Variants in SLC4A10 observed in about 807,000 individuals in gnomAD.
SLC4A10 encodes sodium-driven chloride bicarbonate exchanger.
In SLC4A10, 42 loss-of-function variants were observed where a neutral mutation model predicts 137.7. That is an observed-to-expected ratio of 0.30 (90% confidence interval 0.24 to 0.39). SLC4A10 has a LOEUF of 0.39. Ranked by LOEUF, SLC4A10 falls within the 10% of genes least tolerant of loss-of-function variation. The pLI, the probability that SLC4A10 is intolerant of heterozygous loss-of-function variation, is 1.00. For synonymous variants in SLC4A10, 474 were observed against 464.1 expected (o/e 1.02, Z -0.27); for missense variants, 925 against 1,355.0 (o/e 0.68, Z 4.98).
rs73020052 is a variant in SLC4A10, at chr2:161,665,874, T to A, written c.48+41308T>A. Among the ~76,000 whole-genome samples, 1,006 of 150,288 alleles carry A rather than the reference T, an allele frequency of 6.7e-3. 11 individuals are homozygous for A. The highest frequency in any genetic ancestry group is 0.023 in the African/African-American group (960 of 41,242). On this transcript the variant is annotated intron_variant, in intron 1 of 26. Transcript: ENST00000446997. ...GTGTTGGTTGTCATGAGCATCCAAA[T>A]GTTTGCTCTTTCTATGTTCAAATTC...
chr2:161,819,963 AT>A (rs1449205148), intron 3 of SLC4A10, among the ~76,000 whole-genome samples: 1 of 152,132 alleles, frequency 6.6e-6, no homozygotes, highest in Non-Finnish European at 1.5e-5. Flanking sequence ...TTCAACGTTT[AT>A]TTTTTTCCTC....
chr2:161,728,062 TGA>T (rs144345574), intron 1 of SLC4A10, among the ~76,000 whole-genome samples: 356 of 152,294 alleles, frequency 2.3e-3, no homozygotes, highest in African/African-American at 7.7e-3. Flanking sequence ...ATATCAGGAA[TGA>T]GAGAGTGAAT....
chr2:161,812,735 A>G (rs1461917006), intron 3 of SLC4A10, among the ~76,000 whole-genome samples: 5 of 152,050 alleles, frequency 3.3e-5, no homozygotes, highest in South Asian at 2.1e-4. Context: ...TCCATGGTGT[A>G]TATGTACCAC....
intron 1 of SLC4A10, among the ~76,000 whole-genome samples, chr2:161,759,332 G>A (rs1389038454): frequency 2.6e-5 from 4 of 151,784 alleles, no homozygotes; most frequent in Non-Finnish European, 5.9e-5. Context: ...TGTTGTGTGT[G>A]GTGCGAACAC....
At chr2:161,906,925 G>A (rs867287592) in intron 15 of SLC4A10, among the ~76,000 whole-genome samples, 6 of 151,856 alleles carry the variant, frequency 4.0e-5, no homozygotes, top group Non-Finnish European at 5.9e-5. Flanking sequence ...GCGTGGTGGC[G>A]GGCGCCTGTA....
chr2:161,789,167 TG>T, intron 2 of SLC4A10, among the ~76,000 whole-genome samples: 1 of 152,308 alleles, frequency 6.6e-6, no homozygotes, highest in South Asian at 2.1e-4. Flanking sequence ...CAGCACGAGC[TG>T]GCCACCTGAG....
At chr2:161,883,443 G>C (rs2061972962) in intron 10 of SLC4A10, among the ~76,000 whole-genome samples, 1 of 152,100 alleles carries the variant, frequency 6.6e-6, no homozygotes, top group Admixed American at 6.6e-5. Flanking sequence ...ATATGAATTA[G>C]TTTTTGATAT....
intron 1 of SLC4A10, among the ~76,000 whole-genome samples, chr2:161,674,570 G>C (rs2040083790): frequency 6.6e-6 from 1 of 152,068 alleles, no homozygotes; most frequent in East Asian, 1.9e-4. Context: ...TAATGAAAGG[G>C]GAGATAGCTG....
chr2:161,871,296 A>G (rs1331593660), intron 6 of SLC4A10, among the ~76,000 whole-genome samples: 1 of 152,000 alleles, frequency 6.6e-6, no homozygotes, highest in East Asian at 1.9e-4. Context: ...GAGTATTTCT[A>G]ACATCTACAA....
rs1559541581 is a variant in SLC4A10 at position 161,922,906 on chromosome 2, C to T, written c.1997+17019C>T. ...GGAGATAATCAAGTCAATAAAAAGA[C>T]CTGAAAAATAAATGAATCACAAACC... On this transcript the variant is annotated intron_variant, in intron 15 of 26. Transcript: ENST00000446997. Among the ~76,000 whole-genome samples, 3 of 152,202 alleles carry T rather than the reference C, an allele frequency of 2.0e-5. No individual in the cohort carries two copies. The East Asian group carries it at 5.8e-4, about 29-fold the overall frequency.
intron 23 of SLC4A10, 105 bp downstream of exon 23, chr2:161,965,278 G>A: frequency 8.2e-7 from 1 of 1,215,952 alleles, no homozygotes; most frequent in Non-Finnish European, 1.1e-6. Flanking sequence ...TTTGTCTTTA[G>A]ACAGTGATCA....
intron 6 of SLC4A10, among the ~76,000 whole-genome samples, chr2:161,864,563 G>A (rs1214960183): frequency 6.6e-6 from 1 of 152,046 alleles, no homozygotes; most frequent in Non-Finnish European, 1.5e-5. Context: ...GATTTTTAGG[G>A]CTTTTCAATG....
intron 10 of SLC4A10, among the ~76,000 whole-genome samples, chr2:161,888,948 A>C (rs564548479): frequency 2.3e-4 from 35 of 152,294 alleles, no homozygotes; most frequent in African/African-American, 7.9e-4. Context: ...TATTATTTTG[A>C]GATATGTTCC....
chr2:161,674,244 A>G (rs549442110), intron 1 of SLC4A10, among the ~76,000 whole-genome samples: 95 of 152,300 alleles, frequency 6.2e-4, no homozygotes, highest in African/African-American at 2.1e-3. Flanking sequence ...TGAGAAAAAT[A>G]TCTTAATCTC....
intron 1 of SLC4A10, among the ~76,000 whole-genome samples, chr2:161,648,096 TTTAAAC>T (rs1558939711): frequency 1.7e-4 from 26 of 151,932 alleles, no homozygotes; most frequent in Non-Finnish European, 3.2e-4. Context: ...AAGAAAAAAT[TTTAAAC>T]AAAATCAGGC....
intron 3 of SLC4A10, among the ~76,000 whole-genome samples, chr2:161,834,061 G>A (rs898123677): frequency 6.6e-6 from 1 of 152,220 alleles, no homozygotes; most frequent in Non-Finnish European, 1.5e-5. Flanking sequence ...GGCATAATGC[G>A]TTATTCTTTC....
At chr2:161,919,994 A>G (rs1196874120) in intron 15 of SLC4A10, among the ~76,000 whole-genome samples, 1 of 152,194 alleles carries the variant, frequency 6.6e-6, no homozygotes, top group African/African-American at 2.4e-5. Flanking sequence ...TGGTCCAGCC[A>G]CAGCCTTGCA....
At chr2:161,816,779 T>G (rs575914578) in intron 3 of SLC4A10, among the ~76,000 whole-genome samples, 3 of 152,086 alleles carry the variant, frequency 2.0e-5, no homozygotes, top group Admixed American at 6.5e-5. Context: ...GGTTTCCAGC[T>G]TCATCCATGT....
At chr2:161,736,006 C>T (rs116174646) in intron 1 of SLC4A10, among the ~76,000 whole-genome samples, 1,678 of 151,740 alleles carry the variant, frequency 0.011, 28 homozygotes, top group African/African-American at 0.038. Context: ...ATTTGTATTT[C>T]GTCATAATAA....
Sources: gnomAD v4.1 joint callset for allele counts (sites outside exome capture counted in the v4.1 genomes callset) on GRCh38, gnomAD v4.1.1 for gene constraint, MANE v1.5 for transcripts, NCBI Gene and HGNC (gene_info 2026-07-23, HGNC 2026-07-21) for gene names.